AGTPBP1: variants seen among roughly 807,000 people sequenced by gnomAD.
AGTPBP1 encodes cytosolic carboxypeptidase 1.
AGTPBP1 carries 70 observed loss-of-function variants against 143.9 expected under a neutral mutation model. The ratio of observed to expected loss-of-function variants is 0.49; its 90% CI spans 0.40 to 0.59. The LOEUF (loss-of-function observed/expected upper bound fraction) is 0.59, where lower values mean the gene tolerates loss of function less well. Among genes scored for constraint, AGTPBP1 ranks in the 20% least tolerant of loss-of-function variants. AGTPBP1 has a pLI of 0.00. For missense variants in AGTPBP1, 1,229 were observed against 1,464.5 expected (o/e 0.84, Z 2.62); for synonymous variants, 463 against 500.2 (o/e 0.93, Z 0.99).
chr9:85,782,253 G>A, the AGTPBP1 span, among the ~76,000 whole-genome samples: 1,030 of 152,336 alleles, frequency 6.8e-3, 8 homozygotes, highest in South Asian at 0.019. Context: ...GGTGGCTCAT[G>A]CCTGTAATCC....
intron 13 of AGTPBP1, among the ~76,000 whole-genome samples, chr9:85,633,579 T>C (rs1831833193): frequency 6.6e-6 from 1 of 152,182 alleles, no homozygotes; most frequent in Non-Finnish European, 1.5e-5. Flanking sequence ...TGCCTACATG[T>C]CACAGAAATG....
At chr9:85,643,166 C>G (rs563415975) in intron 12 of AGTPBP1, among the ~76,000 whole-genome samples, 24 of 151,934 alleles carry the variant, frequency 1.6e-4, no homozygotes, top group African/African-American at 4.8e-4. Context: ...CATGGTTACT[C>G]TAATATAACA....
chr9:85,701,672 T>C (rs1836671189), intron 2 of AGTPBP1, among the ~76,000 whole-genome samples: 1 of 152,314 alleles, frequency 6.6e-6, no homozygotes, highest in Admixed American at 6.5e-5. Context: ...AAACAGACTC[T>C]GACAGATTGC....
intron 25 of AGTPBP1, among the ~76,000 whole-genome samples, chr9:85,572,833 T>C (rs1208900396): frequency 6.6e-6 from 1 of 152,186 alleles, no homozygotes; most frequent in African/African-American, 2.4e-5. Context: ...AGGTGATTAT[T>C]TGTCTAAATT....
At position 85,633,203 on chromosome 9, in the gene AGTPBP1, ACTTCTTTTCACCTTCATCTCCTT is replaced by A; in HGVS notation, c.1451_1473del (p.Lys484IlefsTer12). 1 of 1,613,376 alleles carries A rather than the reference ACTTCTTTTCACCTTCATCTCCTT, an allele frequency of 6.2e-7. No individual in the cohort carries two copies. Among genetic ancestry groups the A allele is most frequent in the Non-Finnish European group, 8.5e-7 (1 of 1,179,842 alleles). ...TCTTTTGCTAGATCCATAAAGGTAG[ACTTCTTTTCACCTTCATCTCCTT>A]TAGAAGATATGTTCTCCTTCATTAC... is the stretch of plus-strand genomic sequence containing the variant. On this transcript the variant is annotated frameshift_variant, in exon 14 of 26. Coordinates refer to ENST00000357081, the MANE Select transcript of AGTPBP1 (RefSeq NM_001330701.2). LOFTEE classifies it high-confidence loss of function.
chr9:85,754,230 C>T, the AGTPBP1 span, among the ~76,000 whole-genome samples: 19 of 152,176 alleles, frequency 1.2e-4, no homozygotes, highest in East Asian at 3.8e-4. Flanking sequence ...CTCGCTCTGT[C>T]GCCCAGGCTG....
intron 8 of AGTPBP1, 24 bp from the exon 9 acceptor site, chr9:85,660,997 AAAC>A (rs772142572): frequency 2.0e-5 from 32 of 1,579,342 alleles, no homozygotes; most frequent in Admixed American, 3.8e-5. Flanking sequence ...AAGAAAACAC[AAAC>A]AACAACAAAA....
chr9:85,570,654 T>G (rs1827399924), intron 25 of AGTPBP1, among the ~76,000 whole-genome samples: 1 of 152,222 alleles, frequency 6.6e-6, no homozygotes, highest in Non-Finnish European at 1.5e-5. Context: ...TGAGCTCTCA[T>G]TTCCCATTTC....
intron 2 of AGTPBP1, among the ~76,000 whole-genome samples, chr9:85,699,523 C>G (rs914010727): frequency 6.6e-6 from 1 of 151,844 alleles, no homozygotes; most frequent in Non-Finnish European, 1.5e-5. Context: ...ATTACACTAC[C>G]TTTTTCACCT....
intron 2 of AGTPBP1, among the ~76,000 whole-genome samples, chr9:85,705,858 T>C (rs1836958550): frequency 2.0e-5 from 3 of 151,896 alleles, no homozygotes; most frequent in Admixed American, 1.3e-4. Flanking sequence ...ACCCAGCTAA[T>C]TTTTTGTATT....
chr9:85,621,099 AAACTACC>A lies in AGTPBP1; in HGVS notation c.2099+96_2099+102del. On this transcript the variant is annotated intron_variant, in intron 15 of 25. Transcript: ENST00000357081. Reference sequence around the variant, plus strand: ...ACTATATTTTTATTTATTATTTTAAAAACTACCAACATTTTTCACAGAATTTTTATCT... The same window carrying A: ...ACTATATTTTTATTTATTATTTTAAAAACATTTTTCACAGAATTTTTATCT... 3 of 556,796 alleles carry A rather than the reference AAACTACC, an allele frequency of 5.4e-6. 1 individual carries two copies. The highest frequency in any genetic ancestry group is 8.4e-6 in the Non-Finnish European group (3 of 358,368). The allele number at this position is 556,796 out of a possible 1,614,324, so 34.5% of individuals were successfully genotyped here. A position where few individuals can be genotyped will look rare whatever the true frequency, so the allele number is the denominator to read the frequency against.
At chr9:85,754,802 C>T in the AGTPBP1 span, among the ~76,000 whole-genome samples, 31 of 152,116 alleles carry the variant, frequency 2.0e-4, no homozygotes, top group Non-Finnish European at 4.3e-4. Context: ...ACCCATTCCA[C>T]CCAGAAATGT....
upstream of AGTPBP1, among the ~76,000 whole-genome samples, chr9:85,743,626 G>A (rs62570659): frequency 0.015 from 2,237 of 152,196 alleles, 25 homozygotes; most frequent in Middle Eastern, 0.037. Context: ...ACAGGATTTC[G>A]AAATACATAT....
At chr9:85,669,953 G>A (rs1308456855) in intron 7 of AGTPBP1, among the ~76,000 whole-genome samples, 1 of 152,122 alleles carries the variant, frequency 6.6e-6, no homozygotes, top group Admixed American at 6.6e-5. Flanking sequence ...GAGAATGACA[G>A]AAACAATAAA....
intron 2 of AGTPBP1, among the ~76,000 whole-genome samples, chr9:85,697,216 C>T (rs1587924949): frequency 6.6e-6 from 1 of 151,972 alleles, no homozygotes; most frequent in East Asian, 1.9e-4. Context: ...TTACACATAA[C>T]ATGTAAACTC....
At chr9:85,637,551 A>G (rs1285741702) in intron 13 of AGTPBP1, among the ~76,000 whole-genome samples, 1 of 152,160 alleles carries the variant, frequency 6.6e-6, no homozygotes, top group Non-Finnish European at 1.5e-5. Flanking sequence ...CAAAAGCCTG[A>G]CCCTAAAAAG....
At chr9:85,697,642 C>T (rs1221512836) in intron 2 of AGTPBP1, among the ~76,000 whole-genome samples, 2 of 151,428 alleles carry the variant, frequency 1.3e-5, no homozygotes, top group East Asian at 1.9e-4. Context: ...TTAGTAGAAA[C>T]GGGGTTTCAC....
chr9:85,732,276 G>A (rs973421893), intron 1 of AGTPBP1, among the ~76,000 whole-genome samples: 13 of 146,196 alleles, frequency 8.9e-5, no homozygotes, highest in African/African-American at 2.6e-4. Context: ...GTGCAGCGGC[G>A]TGATTTCAGC....
chr9:85,741,587 C>T, intron 1 of AGTPBP1, 188 bp downstream of exon 1: 1 of 985,412 alleles, frequency 1.0e-6, no homozygotes, highest in South Asian at 4.7e-5. Flanking sequence ...AGGGCTTTCC[C>T]TCAAGACCGA....
Sources: allele counts gnomAD v4.1 joint callset (sites outside exome capture counted in the v4.1 genomes callset), GRCh38; gene constraint gnomAD v4.1.1; transcripts MANE v1.5; gene names NCBI Gene and HGNC (gene_info 2026-07-23, HGNC 2026-07-21).